Variants in ITGBL1 observed in about 807,000 individuals in gnomAD.
ITGBL1 encodes integrin subunit beta like 1, also known as integrin beta-like protein 1.
A neutral mutation model predicts 68.5 loss-of-function variants in ITGBL1; 51 were observed. The observed-to-expected ratio is 0.74, with a 90% CI of 0.59 to 0.94. The LOEUF is 0.94. Ranked by LOEUF, ITGBL1 falls within the 40% of genes least tolerant of loss-of-function variation. The probability of loss-of-function intolerance (pLI) is 0.00; values close to 1 mark genes in which losing one functional copy is unlikely to be tolerated. For synonymous variants in ITGBL1, 209 were observed against 227.3 expected, an observed-to-expected ratio of 0.92 and a Z score of 0.72; for missense variants, 649 against 647.4, an observed-to-expected ratio of 1.00 and a Z score of -0.03.
intron 2 of ITGBL1, among the ~76,000 whole-genome samples, chr13:101,454,634 T>A (rs1254138123): frequency 1.3e-5 from 2 of 152,200 alleles, no homozygotes; most frequent in Non-Finnish European, 2.9e-5. Context: ...TATTTGTAGA[T>A]CTTAGGCCTG....
chr13:101,539,768 A>C (rs1431319100), intron 2 of ITGBL1, among the ~76,000 whole-genome samples: 2 of 151,450 alleles, frequency 1.3e-5, no homozygotes, highest in African/African-American at 4.9e-5. Context: ...ATGGTATCTC[A>C]TTGTGGTTTT....
chr13:101,646,713 C>A (rs2032570140), intron 7 of ITGBL1, among the ~76,000 whole-genome samples: 1 of 151,752 alleles, frequency 6.6e-6, no homozygotes. Context: ...AAGAAAGCAA[C>A]CTAAAAATCT....
chr13:101,691,108 G>A (rs1215399996), intron 7 of ITGBL1, among the ~76,000 whole-genome samples: 1 of 152,106 alleles, frequency 6.6e-6, no homozygotes, highest in Non-Finnish European at 1.5e-5. Context: ...CAGACGTTGT[G>A]CCTTTGCTTT....
chr13:101,466,436 T>C (rs2048382754), intron 2 of ITGBL1, among the ~76,000 whole-genome samples: 2 of 152,216 alleles, frequency 1.3e-5, no homozygotes, highest in African/African-American at 2.4e-5. Context: ...ATTGAGGGTA[T>C]ATACTATAGG....
intron 7 of ITGBL1, among the ~76,000 whole-genome samples, chr13:101,598,913 T>C (rs975424364): frequency 3.9e-5 from 6 of 152,172 alleles, no homozygotes; most frequent in East Asian, 1.9e-4. Flanking sequence ...CATGTGTCTT[T>C]ATAGCAGCAT....
chr13:101,521,863 A>G (rs575336157), intron 2 of ITGBL1, among the ~76,000 whole-genome samples: 3 of 151,478 alleles, frequency 2.0e-5, no homozygotes, highest in Admixed American at 2.0e-4. Flanking sequence ...TGTCTTCAGC[A>G]ACAGAAATTC....
chr13:101,618,597 A>G (rs185657274), intron 7 of ITGBL1, among the ~76,000 whole-genome samples: 155 of 151,986 alleles, frequency 1.0e-3, no homozygotes, highest in Admixed American at 2.0e-3. Context: ...GACTTAGACA[A>G]CCTCCCACAG....
intron 9 of ITGBL1, among the ~76,000 whole-genome samples, chr13:101,708,517 C>A (rs2034313364): frequency 6.6e-6 from 1 of 152,144 alleles, no homozygotes; most frequent in African/African-American, 2.4e-5. Context: ...TGCCAAAGAA[C>A]CACACCAGTG....
chr13:101,588,759 C>T (rs762938758), intron 6 of ITGBL1, among the ~76,000 whole-genome samples: 4 of 151,224 alleles, frequency 2.6e-5, no homozygotes, highest in Middle Eastern at 3.4e-3. Context: ...AAATAGATAC[C>T]ATTATCTCTA....
intron 7 of ITGBL1, among the ~76,000 whole-genome samples, chr13:101,600,702 A>G (rs1461166661): frequency 2.0e-5 from 3 of 151,868 alleles, no homozygotes; most frequent in Non-Finnish European, 2.9e-5. Context: ...TAATCATGTG[A>G]TTTTTGTCTT....
intron 2 of ITGBL1, among the ~76,000 whole-genome samples, chr13:101,543,676 C>T (rs1371433001): frequency 6.6e-6 from 1 of 152,220 alleles, no homozygotes; most frequent in Admixed American, 6.5e-5. Flanking sequence ...TCCATTCTCC[C>T]TGTCACTTTC....
chr13:101,579,530 T>C, intron 5 of ITGBL1, 103 bp downstream of exon 5: 2 of 1,170,818 alleles, frequency 1.7e-6, no homozygotes, highest in Non-Finnish European at 2.4e-6. Flanking sequence ...GAGGAAGTTA[T>C]CTTCTAACCA....
At chr13:101,571,775 T>A (rs997622794) in intron 3 of ITGBL1, among the ~76,000 whole-genome samples, 3 of 152,188 alleles carry the variant, frequency 2.0e-5, no homozygotes, top group Non-Finnish European at 4.4e-5. Context: ...TTTTGCACTC[T>A]GCTTTTACGA....
chr13:101,545,882 G>A (rs2049813264), intron 2 of ITGBL1, among the ~76,000 whole-genome samples: 1 of 152,130 alleles, frequency 6.6e-6, no homozygotes. Flanking sequence ...TATTATACCT[G>A]TTTATAATTA....
At chr13:101,670,108 C>T (rs2033321030) in intron 7 of ITGBL1, among the ~76,000 whole-genome samples, 1 of 152,172 alleles carries the variant, frequency 6.6e-6, no homozygotes, top group African/African-American at 2.4e-5. Flanking sequence ...GATCTGTTCT[C>T]TTGGCTTTTC....
intron 7 of ITGBL1, among the ~76,000 whole-genome samples, chr13:101,688,146 A>G (rs2139544106): frequency 6.6e-6 from 1 of 152,302 alleles, no homozygotes; most frequent in South Asian, 2.1e-4. Context: ...GCATCCTTCT[A>G]CTACATTAAG....
intron 7 of ITGBL1, among the ~76,000 whole-genome samples, chr13:101,648,437 CAAAT>C (rs1387231573): frequency 6.6e-6 from 1 of 152,100 alleles, no homozygotes; most frequent in Non-Finnish European, 1.5e-5. Flanking sequence ...TTAGTCAAAA[CAAAT>C]AAGAGATAGA....
chr13:101,455,381 T>G (rs1279702521), intron 2 of ITGBL1, among the ~76,000 whole-genome samples: 1 of 152,284 alleles, frequency 6.6e-6, no homozygotes, highest in East Asian at 1.9e-4. Flanking sequence ...TTAAAAATAC[T>G]GAATGCTGGG....
In ITGBL1 at chr13:101,687,224, A is replaced by C. The variant is rs1332804601; in HGVS notation, c.1016-5361A>C. 4.6e-5 allele frequency among the ~76,000 whole-genome samples: 7 copies of C among 151,992 alleles called. No homozygotes were observed. The East Asian group carries it at 1.3e-3, about 29-fold the overall frequency. On this transcript the variant is annotated intron_variant, in intron 7 of 10. Transcript: ENST00000376180. ...TATTTAACAGTGTACTCCCATATCTAATCGTGTATTTCATACGAAACAGAT... is the reference window on the plus strand; with the variant it reads ...TATTTAACAGTGTACTCCCATATCTCATCGTGTATTTCATACGAAACAGAT...
Sources: gnomAD v4.1 joint callset for allele counts (sites outside exome capture counted in the v4.1 genomes callset) on GRCh38, gnomAD v4.1.1 for gene constraint, MANE v1.5 for transcripts, NCBI Gene and HGNC (gene_info 2026-07-23, HGNC 2026-07-21) for gene names.